The following R3HCC1L variants were observed in gnomAD, a reference collection of about 807,000 sequenced individuals.
R3HCC1L encodes the protein coiled-coil domain-containing protein R3HCC1L.
A neutral mutation model predicts 59.9 loss-of-function variants in R3HCC1L; 51 were observed. That is an observed-to-expected ratio of 0.85 (90% CI 0.68 to 1.07). The LOEUF is 1.07. Among genes scored for constraint, R3HCC1L ranks in the 50% least tolerant of loss-of-function variants. The pLI is 0.00. For missense variants in R3HCC1L, 965 were observed against 933.0 expected, an observed-to-expected ratio of 1.03 and a Z score of -0.45; for synonymous variants, 322 against 315.2, an observed-to-expected ratio of 1.02 and a Z score of -0.23.
intron 1 of R3HCC1L, among the ~76,000 whole-genome samples, chr10:98,137,402 A>C (rs1844704113): frequency 6.6e-6 from 1 of 152,214 alleles, no homozygotes; most frequent in Admixed American, 6.5e-5. Context: ...TAAATGGCTT[A>C]CTAGTGCTGG....
chr10:98,203,468 T>G (rs1852267170), intron 4 of R3HCC1L, among the ~76,000 whole-genome samples: 1 of 152,244 alleles, frequency 6.6e-6, no homozygotes, highest in Admixed American at 6.5e-5. Context: ...TCTGATGAAC[T>G]AACAAATACA....
chr10:98,172,068 G>C (rs772278956), intron 4 of R3HCC1L, among the ~76,000 whole-genome samples: 10 of 152,140 alleles, frequency 6.6e-5, no homozygotes, highest in Admixed American at 1.3e-4. Context: ...CGCTATCCTT[G>C]GTGTTGGTAG....
At chr10:98,223,306 A>C (rs541349828) in intron 5 of R3HCC1L, among the ~76,000 whole-genome samples, 314 of 152,194 alleles carry the variant, frequency 2.1e-3, no homozygotes, top group Non-Finnish European at 4.0e-3. Context: ...TACTGGCAAA[A>C]CGAATGCAGC....
At chr10:98,212,405 G>A (rs1226908131) in intron 5 of R3HCC1L, among the ~76,000 whole-genome samples, 1 of 152,140 alleles carries the variant, frequency 6.6e-6, no homozygotes, top group African/African-American at 2.4e-5. Flanking sequence ...TAATAGTCAG[G>A]TATGCTGTAG....
chr10:98,208,866 A>C lies in R3HCC1L; in HGVS notation c.752A>C (p.Gln251Pro), dbSNP rs766245908. ...TCTGAAATTGTACAACAAAGCATGCAAACATCAGATGGAATATTGAATCCC... is the reference window on the plus strand; with the variant it reads ...TCTGAAATTGTACAACAAAGCATGCCAACATCAGATGGAATATTGAATCCC... The part of the protein sequence containing the change: ...SDSEIVQQSM[Q>P]TSDGILNPSS... Residue 251 changes from glutamine to proline, a missense_variant, in exon 5 of 10, where the codon CAA (glutamine) becomes CCA (proline). Physicochemically the swap from Gln to Pro is moderately conservative, Grantham distance 76. Coordinates refer to ENST00000298999, the MANE Select transcript of R3HCC1L (RefSeq NM_001351015.2). The C allele has an allele frequency of 6.2e-7, 1 of 1,614,044 alleles. No individual in the cohort carries two copies. Among genetic ancestry groups the C allele is most frequent in the African/African-American group, 1.3e-5 (1 of 74,932 alleles).
chr10:98,198,988 C>G (rs1302757412), intron 4 of R3HCC1L, among the ~76,000 whole-genome samples: 2 of 152,018 alleles, frequency 1.3e-5, no homozygotes, highest in East Asian at 3.9e-4. Context: ...TTATTTAATG[C>G]AGTATATTCA....
intron 4 of R3HCC1L, among the ~76,000 whole-genome samples, chr10:98,183,885 G>A (rs1335207684): frequency 1.3e-5 from 2 of 150,114 alleles, no homozygotes; most frequent in Non-Finnish European, 3.0e-5. Flanking sequence ...TTCCGTGTTT[G>A]ATAGTTCTAA....
chr10:98,239,118 T>C (rs1252905803), intron 9 of R3HCC1L, among the ~76,000 whole-genome samples: 1 of 152,202 alleles, frequency 6.6e-6, no homozygotes, highest in African/African-American at 2.4e-5. Flanking sequence ...GCCTACCTAA[T>C]CATGGAGAAT....
intron 5 of R3HCC1L, among the ~76,000 whole-genome samples, chr10:98,215,606 A>G (rs1327261556): frequency 3.3e-5 from 5 of 152,232 alleles, no homozygotes; most frequent in Admixed American, 6.5e-5. Flanking sequence ...AAAAGAATAC[A>G]TAAAAGAACC....
intron 2 of R3HCC1L, among the ~76,000 whole-genome samples, chr10:98,162,287 A>G (rs1847503373): frequency 6.6e-6 from 1 of 152,178 alleles, no homozygotes; most frequent in African/African-American, 2.4e-5. Context: ...GTAGAAGTCT[A>G]GTTACTTCCT....
chr10:98,145,689 C>A (rs369805686), intron 1 of R3HCC1L, among the ~76,000 whole-genome samples: 1 of 152,162 alleles, frequency 6.6e-6, no homozygotes, highest in Non-Finnish European at 1.5e-5. Context: ...CGGTGGCCCA[C>A]GCCTGTAATC....
chr10:98,139,507 T>A (rs1345219581), intron 1 of R3HCC1L, among the ~76,000 whole-genome samples: 3 of 152,252 alleles, frequency 2.0e-5, no homozygotes, highest in Non-Finnish European at 4.4e-5. Flanking sequence ...TCTGTTGTGC[T>A]ACCCACGAGG....
intron 4 of R3HCC1L, among the ~76,000 whole-genome samples, chr10:98,195,344 A>G (rs955902426): frequency 6.6e-6 from 1 of 152,156 alleles, no homozygotes; most frequent in Non-Finnish European, 1.5e-5. Flanking sequence ...AGTTTCAGTC[A>G]TGTCAGATGA....
At chr10:98,230,496 A>C (rs986726154) in intron 5 of R3HCC1L, among the ~76,000 whole-genome samples, 2 of 151,974 alleles carry the variant, frequency 1.3e-5, no homozygotes, top group Non-Finnish European at 2.9e-5. Flanking sequence ...CTAGTGGTCT[A>C]TCAATTTTGT....
chr10:98,225,673 G>A (rs1855592484), intron 5 of R3HCC1L, among the ~76,000 whole-genome samples: 1 of 152,096 alleles, frequency 6.6e-6, no homozygotes, highest in Non-Finnish European at 1.5e-5. Context: ...CAAGAATTAT[G>A]TTTTTTGCTA....
rs151212349 is a variant in R3HCC1L, at chr10:98,135,726, C to A, written c.-268+1020C>A. Among the ~76,000 whole-genome samples the A allele has an allele frequency of 3.0e-3, 456 of 152,246 alleles. 4 individuals carry two copies. The highest frequency in any genetic ancestry group is 9.3e-3 in the African/African-American group (387 of 41,544). The stretch of plus-strand genomic sequence containing the variant: ...ACTTCATCTGGATTTTAAGGCCCAC[C>A]AGAATTTAGACTCTTCTTCCTCAGC... On this transcript the variant is annotated intron_variant, in intron 1 of 9. Transcript: ENST00000298999.
At position 98,244,660 on chromosome 10, in the gene R3HCC1L, A is replaced by G. The variant is rs547852619; in HGVS notation, c.*502A>G. The G allele has an allele frequency of 1.3e-5, 2 of 153,576 alleles. No individual in the cohort carries two copies. The highest frequency in any genetic ancestry group is 4.1e-4 in the South Asian group (2 of 4,896). 9.5% of individuals were successfully genotyped at this position (153,576 alleles called of 1,614,324 possible). On this transcript the variant is annotated 3_prime_UTR_variant, in exon 10 of 10. Coordinates refer to ENST00000298999, the MANE Select transcript of R3HCC1L (RefSeq NM_001351015.2). ...GTCTGGTTTACTTGGCATACACAGA[A>G]TCTGCACTGCCGGTTCCAGAACTGC...
chr10:98,223,747 C>G (rs73325876), intron 5 of R3HCC1L, among the ~76,000 whole-genome samples: 1,788 of 152,140 alleles, frequency 0.012, 40 homozygotes, highest in African/African-American at 0.041. Context: ...GAGGCCAGTC[C>G]TTGGACAACA....
chr10:98,234,954 A>G (rs888432970), intron 7 of R3HCC1L, among the ~76,000 whole-genome samples: 1 of 152,194 alleles, frequency 6.6e-6, no homozygotes, highest in African/African-American at 2.4e-5. Context: ...CTCATGATAG[A>G]TCTGATGCAG....
Sources: gnomAD v4.1 joint callset for allele counts (sites outside exome capture counted in the v4.1 genomes callset) on GRCh38, gnomAD v4.1.1 for gene constraint, MANE v1.5 for transcripts, NCBI Gene and HGNC (gene_info 2026-07-23, HGNC 2026-07-21) for gene names.